The following NCEH1 variants were observed in gnomAD, a reference collection of about 807,000 sequenced individuals.
NCEH1 encodes neutral cholesterol ester hydrolase 1.
NCEH1 carries 9 observed loss-of-function variants against 25.4 expected under a neutral mutation model. That is an observed-to-expected ratio of 0.35 (90% CI 0.21 to 0.62). The LOEUF is 0.62. Among genes scored for constraint, NCEH1 ranks in the 20% least tolerant of loss-of-function variants. The pLI, the probability that NCEH1 is intolerant of heterozygous loss-of-function variation, is 0.72. For synonymous variants in NCEH1, 200 were observed against 199.8 expected (o/e 1.00, Z -0.01); for missense variants, 412 against 501.1 (o/e 0.82, Z 1.70).
chr3:172,687,024 TG>T (rs1329624209), intron 1 of NCEH1, among the ~76,000 whole-genome samples: 3 of 152,032 alleles, frequency 2.0e-5, no homozygotes, highest in Admixed American at 2.0e-4. Context: ...GGGCATCTCC[TG>T]AACAACTGTA....
chr3:172,699,964 A>G (rs1713591744), intron 1 of NCEH1, among the ~76,000 whole-genome samples: 1 of 152,230 alleles, frequency 6.6e-6, no homozygotes. Flanking sequence ...ACGGCTACCT[A>G]AATACATGTA....
intron 4 of NCEH1, 60 bp downstream of exon 4, chr3:172,635,856 G>A (rs901615053): frequency 8.7e-6 from 13 of 1,496,062 alleles, no homozygotes; most frequent in Middle Eastern, 1.7e-4. Flanking sequence ...GGGTGTGTTG[G>A]TCTGCTAGAC....
chr3:172,630,798 TAAGCA>T lies in NCEH1; in HGVS notation c.*2672_*2676del, dbSNP rs1716309811. 1 of 152,162 alleles carries T rather than the reference TAAGCA, an allele frequency of 6.6e-6. No individual in the cohort carries two copies. The highest frequency in any genetic ancestry group is 1.5e-5 in the Non-Finnish European group (1 of 68,028). 9.4% of individuals were successfully genotyped at this position (152,162 alleles called of 1,614,324 possible). On this transcript the variant is annotated 3_prime_UTR_variant, in exon 5 of 5. Coordinates refer to ENST00000475381, the MANE Select transcript of NCEH1 (RefSeq NM_020792.6). ...CTACCTTCCCCTTCGTAGTGGGAAA[TAAGCA>T]AAGTCAAAGGTTAAAAGGTCATGCA...
chr3:172,657,994 A>C (rs1717780329), intron 1 of NCEH1, among the ~76,000 whole-genome samples: 1 of 152,224 alleles, frequency 6.6e-6, no homozygotes, highest in African/African-American at 2.4e-5. Context: ...GGGTAAAATG[A>C]GGCTGAGACC....
chr3:172,672,704 AAG>A (rs1303893660), intron 1 of NCEH1, among the ~76,000 whole-genome samples: 2 of 152,212 alleles, frequency 1.3e-5, no homozygotes, highest in African/African-American at 2.4e-5. Flanking sequence ...GCCCAAAAGA[AAG>A]AGAGAAAGCT....
chr3:172,664,704 C>T (rs980827998), intron 1 of NCEH1, among the ~76,000 whole-genome samples: 1 of 152,170 alleles, frequency 6.6e-6, no homozygotes, highest in African/African-American at 2.4e-5. Flanking sequence ...TCATTTCATT[C>T]ATTTGATCTT....
chr3:172,661,722 C>T (rs565010094), intron 1 of NCEH1, among the ~76,000 whole-genome samples: 3 of 151,992 alleles, frequency 2.0e-5, no homozygotes, highest in Non-Finnish European at 2.9e-5. Context: ...GTATTTTATT[C>T]TCTTTGAAGC....
At chr3:172,684,415 G>T (rs1443571013) in intron 1 of NCEH1, among the ~76,000 whole-genome samples, 1 of 152,026 alleles carries the variant, frequency 6.6e-6, no homozygotes, top group Non-Finnish European at 1.5e-5. Context: ...CCTAGAAAAT[G>T]GCACAAGACT....
intron 1 of NCEH1, among the ~76,000 whole-genome samples, chr3:172,708,488 T>C (rs1714128525): frequency 6.6e-6 from 1 of 152,212 alleles, no homozygotes; most frequent in South Asian, 2.1e-4. Context: ...CCCAAGTAGC[T>C]GGGACTACAG....
intron 1 of NCEH1, among the ~76,000 whole-genome samples, chr3:172,679,705 AGGGCC>A (rs1346139748): frequency 6.6e-6 from 1 of 152,138 alleles, no homozygotes; most frequent in Non-Finnish European, 1.5e-5. Context: ...GGTGGCTTAA[AGGGCC>A]AGGCCAGCAA....
At chr3:172,640,731 T>A (rs948280222) in intron 3 of NCEH1, among the ~76,000 whole-genome samples, 1 of 152,118 alleles carries the variant, frequency 6.6e-6, no homozygotes, top group Non-Finnish European at 1.5e-5. Flanking sequence ...ATGGTCTCGA[T>A]CTCCTGACCT....
chr3:172,681,334 T>C (rs1288313662), intron 1 of NCEH1: 1 of 152,180 alleles, frequency 6.6e-6, no homozygotes, highest in Non-Finnish European at 1.5e-5. Context: ...TAAAATACAA[T>C]ATAAACCTAT....
chr3:172,688,615 TAA>T (rs915619289), intron 1 of NCEH1, among the ~76,000 whole-genome samples: 2 of 152,222 alleles, frequency 1.3e-5, no homozygotes, highest in Non-Finnish European at 2.9e-5. Flanking sequence ...CATATTTATA[TAA>T]GATATGTATT....
rs78787723 is a variant in NCEH1 at position 172,711,044 on chromosome 3, G to A, written c.-60C>T. ...AGAGGAAAGGGCGATACCACCCGGA[G>A]ACCTCCGGCAACTTTCTGCCCGCGG... On this transcript the variant is annotated 5_prime_UTR_variant, in exon 1 of 5. Transcript: ENST00000475381. The A allele has an allele frequency of 2.3e-5, 37 of 1,611,416 alleles. 1 individual carries two copies. In the Middle Eastern group the frequency reaches 6.6e-4, roughly 29 times the overall value.
intron 3 of NCEH1, among the ~76,000 whole-genome samples, chr3:172,640,768 A>G (rs1489027377): frequency 6.6e-6 from 1 of 151,404 alleles, no homozygotes; most frequent in Non-Finnish European, 1.5e-5. Context: ...CAGCCTCCCA[A>G]AGTGCTGGGA....
At chr3:172,640,492 CTTTA>C (rs377676926) in intron 3 of NCEH1, among the ~76,000 whole-genome samples, 17 of 151,876 alleles carry the variant, frequency 1.1e-4, no homozygotes, top group Admixed American at 5.2e-4. Context: ...TCCCTGCCCC[CTTTA>C]TTTATTTATT....
At chr3:172,701,957 G>A (rs1487632854) in intron 1 of NCEH1, among the ~76,000 whole-genome samples, 1 of 152,140 alleles carries the variant, frequency 6.6e-6, no homozygotes, top group African/African-American at 2.4e-5. Flanking sequence ...GCTCCAGCCA[G>A]TCTAAACCAC....
chr3:172,678,474 T>C (rs181440733), intron 1 of NCEH1, among the ~76,000 whole-genome samples: 31 of 152,342 alleles, frequency 2.0e-4, no homozygotes, highest in Non-Finnish European at 4.0e-4. Context: ...TCCAAGACGT[T>C]GGAACAAGTC....
rs573325604 is a variant in NCEH1 at position 172,643,561 on chromosome 3, T to G, written c.437+2062A>C. ...TAAATCAAAGCAGTCCCTTCTAAAT[T>G]TTAGCCCTTTTCAAAAAAATCCTCT... On this transcript the variant is annotated intron_variant, in intron 3 of 4. Transcript: ENST00000475381. 8.5e-5 allele frequency among the ~76,000 whole-genome samples: 13 copies of G among 152,306 alleles called. 1 individual carries two copies. In the South Asian group the frequency reaches 2.7e-3, roughly 32 times the overall value.
Sources: allele counts gnomAD v4.1 joint callset (sites outside exome capture counted in the v4.1 genomes callset), GRCh38; gene constraint gnomAD v4.1.1; transcripts MANE v1.5; gene names NCBI Gene and HGNC (gene_info 2026-07-23, HGNC 2026-07-21).